Variants in TNR observed in about 807,000 individuals in gnomAD.
The protein encoded by TNR is tenascin R, also known as tenascin-R.
TNR carries 45 observed loss-of-function variants against 150.4 expected under a neutral mutation model. That is an observed-to-expected ratio of 0.30 (90% CI 0.24 to 0.38). The LOEUF is 0.38. Ranked by LOEUF, TNR falls within the 10% of genes least tolerant of loss-of-function variation. The pLI, the probability that TNR is intolerant of heterozygous loss-of-function variation, is 1.00. For missense variants in TNR, 1,544 were observed against 1,759.1 expected, an observed-to-expected ratio of 0.88 and a Z score of 2.19; for synonymous variants, 687 against 678.4, an observed-to-expected ratio of 1.01 and a Z score of -0.20.
At chr1:175,331,874 G>A (rs948446279) in intron 20 of TNR, among the ~76,000 whole-genome samples, 1 of 152,172 alleles carries the variant, frequency 6.6e-6, no homozygotes, top group Admixed American at 6.5e-5. Context: ...GAAATGATTG[G>A]CTGAAGGTCA....
chr1:175,579,321 G>T (rs1026211085), intron 1 of TNR, among the ~76,000 whole-genome samples: 5 of 152,098 alleles, frequency 3.3e-5, no homozygotes, highest in African/African-American at 9.7e-5. Flanking sequence ...TGGGCTATGG[G>T]AGTGCTACAG....
chr1:175,674,287 A>G (rs1488582831), intron 1 of TNR, among the ~76,000 whole-genome samples: 13 of 152,344 alleles, frequency 8.5e-5, no homozygotes, highest in Middle Eastern at 3.4e-3. Flanking sequence ...TCTTTTTACC[A>G]TGAGATAGCT....
At chr1:175,404,503 A>G (rs967186885) in intron 3 of TNR, among the ~76,000 whole-genome samples, 3 of 152,246 alleles carry the variant, frequency 2.0e-5, no homozygotes, top group Non-Finnish European at 4.4e-5. Context: ...GCATGATTCA[A>G]GTAAACGTAT....
chr1:175,465,222 T>C (rs937033956), intron 2 of TNR, among the ~76,000 whole-genome samples: 1 of 152,192 alleles, frequency 6.6e-6, no homozygotes, highest in Non-Finnish European at 1.5e-5. Flanking sequence ...CAGGCAAGTT[T>C]CCTTCTTTTG....
At chr1:175,655,007 C>T (rs1192667588) in intron 1 of TNR, among the ~76,000 whole-genome samples, 1 of 152,196 alleles carries the variant, frequency 6.6e-6, no homozygotes, top group African/African-American at 2.4e-5. Context: ...CAGGCGTGAG[C>T]CACTGCGCCC....
intron 2 of TNR, among the ~76,000 whole-genome samples, chr1:175,422,248 A>G (rs1486340804): frequency 2.0e-5 from 3 of 152,204 alleles, no homozygotes; most frequent in Non-Finnish European, 4.4e-5. Flanking sequence ...CACTTATCAC[A>G]ATAGTTATCT....
intron 1 of TNR, among the ~76,000 whole-genome samples, chr1:175,561,343 A>C (rs1490667306): frequency 6.6e-6 from 1 of 152,154 alleles, no homozygotes; most frequent in Non-Finnish European, 1.5e-5. Flanking sequence ...TGAAGGAGAT[A>C]ATGGGGCCCA....
chr1:175,549,160 AC>A (rs1660835842), intron 1 of TNR, among the ~76,000 whole-genome samples: 2 of 152,364 alleles, frequency 1.3e-5, no homozygotes, highest in East Asian at 3.9e-4. Context: ...AGGGGAGCCC[AC>A]TGAGGGTCTG....
intron 1 of TNR, among the ~76,000 whole-genome samples, chr1:175,737,377 C>T (rs570745624): frequency 4.5e-4 from 68 of 152,198 alleles, no homozygotes; most frequent in African/African-American, 1.5e-3. Flanking sequence ...TGACAGAAAA[C>T]ATTTATTAAG....
intron 1 of TNR, among the ~76,000 whole-genome samples, chr1:175,590,944 A>C (rs1339660376): frequency 6.6e-6 from 1 of 152,228 alleles, no homozygotes; most frequent in East Asian, 1.9e-4. Flanking sequence ...GGCAAGTCAT[A>C]CAGGAAAAAC....
intron 1 of TNR, among the ~76,000 whole-genome samples, chr1:175,736,202 T>C (rs967127056): frequency 2.0e-5 from 3 of 152,028 alleles, no homozygotes; most frequent in Non-Finnish European, 4.4e-5. Flanking sequence ...TCATGCCTCA[T>C]TTAATTCTCA....
intron 2 of TNR, among the ~76,000 whole-genome samples, chr1:175,505,932 C>T (rs1041622530): frequency 6.6e-6 from 1 of 152,122 alleles, no homozygotes; most frequent in African/African-American, 2.4e-5. Flanking sequence ...CCCAGCTACT[C>T]GGGAGGCTGA....
intron 1 of TNR, among the ~76,000 whole-genome samples, chr1:175,566,292 G>A (rs1055056296): frequency 1.3e-5 from 2 of 152,228 alleles, no homozygotes; most frequent in African/African-American, 4.8e-5. Context: ...AAAATGGGGT[G>A]AGTAGGGGAA....
intron 1 of TNR, among the ~76,000 whole-genome samples, chr1:175,644,035 T>C (rs537999199): frequency 4.3e-4 from 66 of 152,370 alleles, no homozygotes; most frequent in African/African-American, 1.6e-3. Context: ...TGATTTTCTA[T>C]TTCCTCAAGA....
rs60231011 is a variant in TNR, at chr1:175,331,155, CTTTT to C, written c.3632-924_3632-921del. 3.2e-3 allele frequency among the ~76,000 whole-genome samples: 300 copies of C among 93,354 alleles called. 10 individuals carry two copies. The highest frequency in any genetic ancestry group is 1.0e-2 in the African/African-American group (260 of 26,126). 61.2% of individuals were successfully genotyped at this position (93,354 alleles called of 152,430 possible). On this transcript the variant is annotated intron_variant, in intron 20 of 22. Coordinates refer to ENST00000367674, the MANE Select transcript of TNR (RefSeq NM_003285.3). Reference sequence around the variant, plus strand: ...CTTTTCTTTCTTTCTTCCTTTCTTTCTTTTTCTTTCCTTCCTTCCTTCCTTCCTT... The same window carrying C: ...CTTTTCTTTCTTTCTTCCTTTCTTTCTCTTTCCTTCCTTCCTTCCTTCCTT...
At chr1:175,534,898 GT>G (rs1166757253) in intron 1 of TNR, among the ~76,000 whole-genome samples, 2 of 152,170 alleles carry the variant, frequency 1.3e-5, no homozygotes, top group African/African-American at 2.4e-5. Flanking sequence ...TAGTGAGTGA[GT>G]TCTCAGGAGA....
At chr1:175,653,388 A>G (rs1293182592) in intron 1 of TNR, among the ~76,000 whole-genome samples, 1 of 152,236 alleles carries the variant, frequency 6.6e-6, no homozygotes, top group East Asian at 1.9e-4. Context: ...AGTGAGAAGC[A>G]GAGTGAAGTA....
chr1:175,373,619 C>T (rs934021892), intron 9 of TNR, among the ~76,000 whole-genome samples: 1 of 152,190 alleles, frequency 6.6e-6, no homozygotes, highest in Non-Finnish European at 1.5e-5. Context: ...AATAATACTT[C>T]TAAGGCCTGT....
At chr1:175,736,273 G>A (rs1011714784) in intron 1 of TNR, among the ~76,000 whole-genome samples, 18 of 152,234 alleles carry the variant, frequency 1.2e-4, no homozygotes, top group African/African-American at 4.1e-4. Context: ...TGTAATCCCA[G>A]CACTTTGGGA....
Sources: gnomAD v4.1 joint callset for allele counts (sites outside exome capture counted in the v4.1 genomes callset) on GRCh38, gnomAD v4.1.1 for gene constraint, MANE v1.5 for transcripts, NCBI Gene and HGNC (gene_info 2026-07-23, HGNC 2026-07-21) for gene names.